Variants in HMX1 observed in about 807,000 individuals in gnomAD.
HMX1 encodes the protein homeobox protein HMX1.
A neutral mutation model predicts 8.9 loss-of-function variants in HMX1; 8 were observed. The ratio of observed to expected loss-of-function variants is 0.90; its 90% CI spans 0.53 to 1.63. The LOEUF (loss-of-function observed/expected upper bound fraction) is 1.63. HMX1 is among the 40% of genes most tolerant of loss of function. The pLI is 0.00. For missense variants in HMX1, 621 were observed against 558.5 expected (o/e 1.11, Z -1.13); for synonymous variants, 311 against 283.4 (o/e 1.10, Z -0.98).
chr4:8,871,381 G>T lies in HMX1; in HGVS notation c.234C>A (p.Gly78=). The change falls in exon 1 of 2, where the codon GGC becomes GGA. Residue 78 remains glycine (G), a synonymous_variant. Transcript: ENST00000400677. The surrounding 1 kb of genome is among the most constrained non-coding windows in gnomAD (Gnocchi z 4.8). ...GCAGCGCACGGGCCCGCGCCTCCCC[G>T]CCGGGCCCGGTGCCCGCGAGCAACT... ...RRQLLAGTGP[G]GEARARALLG... is the part of the protein sequence containing the mutation. The T allele has an allele frequency of 8.1e-7, 1 of 1,238,760 alleles. No homozygotes were observed. Among genetic ancestry groups the T allele is most frequent in the Non-Finnish European group, 1.0e-6 (1 of 988,842 alleles). 76.7% of individuals were successfully genotyped at this position (1,238,760 alleles called of 1,614,324 possible). A position where few individuals can be genotyped will look rare whatever the true frequency, so the allele number is the denominator to read the frequency against.
chr4:8,868,483 G>A lies in HMX1; in HGVS notation c.395-138C>T. ...CTTCCAGCACAGGGCTGGGCACCCA[G>A]CAGCTCTGGGGATGCACACATTGTC... On this transcript the variant is annotated intron_variant, in intron 1 of 1. Transcript: ENST00000400677. The surrounding 1 kb of genome is among the most constrained non-coding windows in gnomAD (Gnocchi z 4.6). 3.0e-6 allele frequency: 2 copies of A among 659,708 alleles called. No individual in the cohort carries two copies. Among genetic ancestry groups the A allele is most frequent in the Non-Finnish European group, 4.4e-6 (2 of 457,388 alleles). The allele number at this position is 659,708 out of a possible 1,614,324, so 40.9% of individuals were successfully genotyped here.
downstream of HMX1, among the ~76,000 whole-genome samples, chr4:8,864,303 G>A (rs144378081): frequency 0.2 from 29,811 of 152,156 alleles, 3,732 homozygotes; most frequent in East Asian, 0.59. Flanking sequence ...CAGTATAGGC[G>A]TGTGTCCAGG....
chr4:8,855,943 C>A (rs1721596431), intron 1 of HMX1, among the ~76,000 whole-genome samples: 1 of 152,210 alleles, frequency 6.6e-6, no homozygotes, highest in African/African-American at 2.4e-5. Flanking sequence ...GGTGGGGTCC[C>A]TGGGGATCTA....
rs758088899 is a variant in HMX1 at position 8,868,049 on chromosome 4, C to T, written c.691G>A (p.Ala231Thr). The part of the protein sequence containing the change: ...TFDLKRYLSS[A>T]ERAGLAASLQ... The stretch of plus-strand genomic sequence containing the variant: ...GAGGCGGCCAGGCCGGCGCGCTCGG[C>T]GCTGCTCAGGTAGCGCTTCAGGTCG... Residue 231 changes from alanine (A) to threonine (T), a missense_variant, in exon 2 of 2, where the codon GCC becomes ACC. By Grantham distance (58) the Ala-to-Thr change is moderately conservative (BLOSUM62 0). Transcript: ENST00000400677. The surrounding 1 kb of genome is among the most constrained non-coding windows in gnomAD (Gnocchi z 4.6). The T allele has an allele frequency of 2.1e-5, 33 of 1,539,650 alleles. No homozygotes were observed. In the East Asian group the frequency reaches 7.6e-4, roughly 36 times the overall value.
chr4:8,860,277 G>C (rs1177946547), intron 1 of HMX1, among the ~76,000 whole-genome samples: 4 of 152,222 alleles, frequency 2.6e-5, no homozygotes, highest in African/African-American at 7.2e-5. Flanking sequence ...AGGAGTCCGG[G>C]CACAGGCTGA....
At chr4:8,855,216 A>G (rs1179274633) in intron 1 of HMX1, among the ~76,000 whole-genome samples, 1 of 152,214 alleles carries the variant, frequency 6.6e-6, no homozygotes, top group Non-Finnish European at 1.5e-5. Flanking sequence ...CATTTTACAG[A>G]CCTGGATTCA....
intron 1 of HMX1, among the ~76,000 whole-genome samples, chr4:8,854,030 C>T (rs1721535237): frequency 6.6e-6 from 1 of 152,232 alleles, no homozygotes; most frequent in East Asian, 1.9e-4. Flanking sequence ...CCTGCCATCC[C>T]TTCCTGCTGA....
In HMX1 at chr4:8,847,261, C is replaced by T. The variant is rs1017077887; in HGVS notation, c.395-937G>A. ...CCAGCCTGAGTAACGTAGCAAGACTCTGTCTTTAAAAATTAAAAAAAATAA... is the reference window on the plus strand; with the variant it reads ...CCAGCCTGAGTAACGTAGCAAGACTTTGTCTTTAAAAATTAAAAAAAATAA... On this transcript the variant is annotated intron_variant, in intron 1 of 1. Transcript: ENST00000506970. The surrounding 1 kb of genome is among the most constrained non-coding windows in gnomAD (Gnocchi z 6.0). Among the ~76,000 whole-genome samples the T allele has an allele frequency of 6.6e-6, 1 of 152,102 alleles. No homozygotes were observed. The highest frequency in any genetic ancestry group is 1.5e-5 in the Non-Finnish European group (1 of 68,030).
downstream of HMX1, among the ~76,000 whole-genome samples, chr4:8,865,779 C>T (rs1325023076): frequency 6.6e-6 from 1 of 152,158 alleles, no homozygotes; most frequent in Non-Finnish European, 1.5e-5. Flanking sequence ...TTATTGAGGC[C>T]TAACCTGAGT....
intron 1 of HMX1, among the ~76,000 whole-genome samples, chr4:8,869,210 G>A (rs1171160457): frequency 6.6e-6 from 1 of 152,214 alleles, no homozygotes; most frequent in African/African-American, 2.4e-5. Flanking sequence ...CAAGTACCAA[G>A]CTCCCCTACT....
At chr4:8,860,512 G>C (rs769101508) in intron 1 of HMX1, 2 of 152,398 alleles carry the variant, frequency 1.3e-5, no homozygotes, top group African/African-American at 4.8e-5. Context: ...GCCAGTGAAG[G>C]CACCGCGCAC....
chr4:8,862,452 C>T (rs1463658743), downstream of HMX1, among the ~76,000 whole-genome samples: 2 of 152,176 alleles, frequency 1.3e-5, no homozygotes, highest in African/African-American at 4.8e-5. Flanking sequence ...GTGTACCCAC[C>T]CCTATCCCAC....
Position 8,871,418 on chromosome 4 carries a change from T to A in HMX1, c.197A>T (p.Gln66Leu). 1 of 1,305,348 alleles carries A rather than the reference T, an allele frequency of 7.7e-7. No homozygotes were observed. Among genetic ancestry groups the A allele is most frequent in the South Asian group, 1.7e-5 (1 of 58,302 alleles). The allele number at this position is 1,305,348 out of a possible 1,614,324, so 80.9% of individuals were successfully genotyped here. Reference sequence around the variant, plus strand: ...GCCCGCGAGCAACTGTCGCCGCCGCTGTAGCCGTCGCCGCCGCGCCTGCTC... The same window carrying A: ...GCCCGCGAGCAACTGTCGCCGCCGCAGTAGCCGTCGCCGCCGCGCCTGCTC... The part of the protein sequence containing the change: ...DAEQARRRRL[Q>L]RRRQLLAGTG... The change falls in exon 1 of 2, where the codon CAG becomes CTG. Residue 66 changes from glutamine (Q) to leucine (L), a missense_variant. Coordinates refer to ENST00000400677, the MANE Select transcript of HMX1 (RefSeq NM_018942.3). The surrounding 1 kb of genome is among the most constrained non-coding windows in gnomAD (Gnocchi z 4.8).
chr4:8,871,283 C>T lies in HMX1; in HGVS notation c.332G>A (p.Gly111Glu). ...GPGPPFALGCGGAARWYPRAH... is the reference protein window; with the variant it reads ...GPGPPFALGCEGAARWYPRAH... ...CCGTGGGTACCAGCGCGCTGCGCCT[C>T]CGCAGCCCAGAGCGAAGGGCGGCCC... The change falls in exon 1 of 2, where the codon GGA becomes GAA. Residue 111 changes from glycine (G) to glutamate (E), a missense_variant. By Grantham distance (98) the Gly-to-Glu change is moderately conservative. Coordinates refer to ENST00000400677, the MANE Select transcript of HMX1 (RefSeq NM_018942.3). The surrounding 1 kb of genome is among the most constrained non-coding windows in gnomAD (Gnocchi z 4.8). The T allele has an allele frequency of 6.8e-7, 1 of 1,476,910 alleles. No homozygotes were observed. The highest frequency in any genetic ancestry group is 8.9e-7 in the Non-Finnish European group (1 of 1,120,482). 91.5% of individuals were successfully genotyped at this position (1,476,910 alleles called of 1,614,324 possible). A position where few individuals can be genotyped will look rare whatever the true frequency, so the allele number is the denominator to read the frequency against.
intron 1 of HMX1, among the ~76,000 whole-genome samples, chr4:8,861,467 G>A (rs895893960): frequency 1.3e-5 from 2 of 152,224 alleles, no homozygotes; most frequent in African/African-American, 2.4e-5. Context: ...CTCGGGAAAG[G>A]GGGGTAGGGA....
Position 8,871,426 on chromosome 4 carries a change from TCGC to T in HMX1, c.186_188del (p.Arg64del). The T allele has an allele frequency of 7.6e-7, 1 of 1,311,394 alleles. No individual in the cohort carries two copies. Among genetic ancestry groups the T allele is most frequent in the Non-Finnish European group, 9.8e-7 (1 of 1,018,134 alleles). The allele number at this position is 1,311,394 out of a possible 1,614,324, so 81.2% of individuals were successfully genotyped here. On this transcript the variant is annotated inframe_deletion, in exon 1 of 2. Coordinates refer to ENST00000400677, the MANE Select transcript of HMX1 (RefSeq NM_018942.3). The surrounding 1 kb of genome is among the most constrained non-coding windows in gnomAD (Gnocchi z 4.8). ...GCAACTGTCGCCGCCGCTGTAGCCG[TCGC>T]CGCCGCGCCTGCTCGGCGTCCTCGT...
chr4:8,861,463 A>G (rs1439444720), intron 1 of HMX1, among the ~76,000 whole-genome samples: 1 of 152,052 alleles, frequency 6.6e-6, no homozygotes, highest in Non-Finnish European at 1.5e-5. Flanking sequence ...CACGCTCGGG[A>G]AAGGGGGGTA....
chr4:8,850,729 C>A (rs1283181926), intron 1 of HMX1, among the ~76,000 whole-genome samples: 2 of 152,280 alleles, frequency 1.3e-5, no homozygotes, highest in African/African-American at 4.8e-5. Flanking sequence ...TTAGCGCCTG[C>A]CCTTCCCCGC....
Position 8,867,783 on chromosome 4 carries a change from G to GC in HMX1, c.956dup (p.Phe320LeufsTer60). ...GCGGGTAGGCGAGGGCCCCGGAGAA[G>GC]CCGAGCAGCGGTGGGGGCGGCGCGG... On this transcript the variant is annotated frameshift_variant, in exon 2 of 2. Coordinates refer to ENST00000400677, the MANE Select transcript of HMX1 (RefSeq NM_018942.3). LOFTEE classifies it low-confidence loss of function (END_TRUNC). 1 of 1,262,348 alleles carries GC rather than the reference G, an allele frequency of 7.9e-7. No homozygotes were observed. 78.2% of individuals were successfully genotyped at this position (1,262,348 alleles called of 1,614,324 possible). A position where few individuals can be genotyped will look rare whatever the true frequency, so the allele number is the denominator to read the frequency against.
Sources: gnomAD v4.1 joint callset for allele counts (sites outside exome capture counted in the v4.1 genomes callset) on GRCh38, gnomAD v4.1.1 for gene constraint, Gnocchi (gnomAD v3.1) non-coding constraint, MANE v1.5 for transcripts, NCBI Gene and HGNC (gene_info 2026-07-23, HGNC 2026-07-21) for gene names.